Variants in ZC3H14 observed in about 807,000 individuals in gnomAD.
ZC3H14 encodes the protein zinc finger CCCH-type containing 14, also known as zinc finger CCCH domain-containing protein 14.
A neutral mutation model predicts 92.4 loss-of-function variants in ZC3H14; 31 were observed. The observed-to-expected ratio is 0.34, with a 90% confidence interval of 0.25 to 0.45. The LOEUF is 0.45. Ranked by LOEUF, ZC3H14 falls within the 20% of genes least tolerant of loss-of-function variation. The pLI, the probability that ZC3H14 is intolerant of heterozygous loss-of-function variation, is 1.00. For synonymous variants in ZC3H14, 321 were observed against 300.9 expected, an observed-to-expected ratio of 1.07 and a Z score of -0.69; for missense variants, 781 against 897.3, an observed-to-expected ratio of 0.87 and a Z score of 1.66.
chr14:88,616,976 T>C lies in ZC3H14; in HGVS notation c.*5225T>C, dbSNP rs1257938449. 4 of 1,132,416 alleles carry C rather than the reference T, an allele frequency of 3.5e-6. No homozygotes were observed. In the African/African-American group the frequency reaches 6.2e-5, roughly 18 times the overall value. The allele number at this position is 1,132,416 out of a possible 1,614,324, so 70.1% of individuals were successfully genotyped here. ...TGGCAATTAATCTCTAAGTACCCTA[T>C]CATGTTACTTAAAATACAGGAAGTA... On this transcript the variant is annotated 3_prime_UTR_variant, in exon 17 of 17. Transcript: ENST00000251038.
In ZC3H14 at chr14:88,602,870, A is replaced by T. The variant is rs1242694294; in HGVS notation, c.1557A>T (p.Ile519=). Reference sequence around the variant, plus strand: ...ATAAACCTGCAAGTCCCAAGTTTATAGTGACGCTGGATGGTGTCCCCAGCC... The same window carrying T: ...ATAAACCTGCAAGTCCCAAGTTTATTGTGACGCTGGATGGTGTCCCCAGCC... ...QPDKPASPKF[I]VTLDGVPSPP... Residue 519 remains isoleucine, a synonymous_variant, in exon 12 of 17, where the codon ATA becomes ATT. Transcript: ENST00000251038. 6.2e-7 allele frequency: 1 copy of T among 1,614,184 alleles called. No individual in the cohort carries two copies. Among genetic ancestry groups the T allele is most frequent in the Admixed American group, 1.7e-5 (1 of 60,028 alleles).
chr14:88,602,677 C>G, intron 11 of ZC3H14, 151 bp from the exon 12 acceptor site: 1 of 759,086 alleles, frequency 1.3e-6, no homozygotes, highest in South Asian at 1.7e-5. Flanking sequence ...GAGAACCCAC[C>G]AGTGCTGCAC....
At chr14:88,571,730 G>A (rs1432158649) in intron 4 of ZC3H14, among the ~76,000 whole-genome samples, 1 of 152,226 alleles carries the variant, frequency 6.6e-6, no homozygotes, top group African/African-American at 2.4e-5. Flanking sequence ...GGGAGGCCAA[G>A]GTGGGCGGAT....
At position 88,563,152 on chromosome 14, in the gene ZC3H14, A is replaced by G; in HGVS notation, c.19A>G (p.Ile7Val). MEIGTE[I>V]SRKIRSAIKG... ...CAGAGCCATGGAGATCGGCACCGAGATCAGCCGCAAGATCCGGGTGAGGCC... is the reference window on the plus strand; with the variant it reads ...CAGAGCCATGGAGATCGGCACCGAGGTCAGCCGCAAGATCCGGGTGAGGCC... Residue 7 changes from isoleucine to valine, a missense_variant, in exon 1 of 17, where the codon ATC (isoleucine) becomes GTC (valine). This residue lies in a region of ZC3H14 where 106 missense variants were observed against 154.2 expected (regional missense o/e 0.69). Coordinates refer to ENST00000251038, the MANE Select transcript of ZC3H14 (RefSeq NM_024824.5). The G allele has an allele frequency of 6.2e-7, 1 of 1,602,864 alleles. No individual in the cohort carries two copies.
chr14:88,587,390 T>C (rs1444490643), intron 9 of ZC3H14, among the ~76,000 whole-genome samples: 2 of 152,088 alleles, frequency 1.3e-5, no homozygotes, highest in African/African-American at 4.8e-5. Flanking sequence ...GGTCTCAAAC[T>C]CCTGAGCTCA....
chr14:88,574,018 A>C (rs1425397504), intron 6 of ZC3H14, among the ~76,000 whole-genome samples: 1 of 152,062 alleles, frequency 6.6e-6, no homozygotes, highest in African/African-American at 2.4e-5. Flanking sequence ...ACATCTGTAT[A>C]CCTTTTTGGG....
chr14:88,605,712 T>G (rs2085291088), intron 12 of ZC3H14, among the ~76,000 whole-genome samples: 1 of 152,214 alleles, frequency 6.6e-6, no homozygotes, highest in Non-Finnish European at 1.5e-5. Context: ...TAATTGCTCT[T>G]TGATGCTGCT....
At chr14:88,610,716 T>C in intron 15 of ZC3H14, 118 bp from the exon 16 acceptor site, 1 of 955,806 alleles carries the variant, frequency 1.0e-6, no homozygotes. Flanking sequence ...AGGCAAGAGG[T>C]CATGCCACTT....
rs1162169858 is a variant in ZC3H14, at chr14:88,563,048, T to C, written c.-86T>C. ...GGCGGAACGGAGGAGGAGGCGGTGGTGTCCCGGCTGCGGGGTAGGAGTCCG... is the reference window on the plus strand; with the variant it reads ...GGCGGAACGGAGGAGGAGGCGGTGGCGTCCCGGCTGCGGGGTAGGAGTCCG... On this transcript the variant is annotated 5_prime_UTR_variant, in exon 1 of 17. Coordinates refer to ENST00000251038, the MANE Select transcript of ZC3H14 (RefSeq NM_024824.5). 1.7e-5 allele frequency: 26 copies of C among 1,519,610 alleles called. No individual in the cohort carries two copies. Among genetic ancestry groups the C allele is most frequent in the Middle Eastern group, 4.4e-4 (2 of 4,544 alleles). The allele number at this position is 1,519,610 out of a possible 1,614,324, so 94.1% of individuals were successfully genotyped here.
Position 88,618,344 on chromosome 14 carries a change from A to G in ZC3H14, c.*6593A>G, listed in dbSNP as rs755921077. ...AGCCACTAGAGACCTTTTTCATCAG[A>G]TTAAAATGGGACAAGAATTCCATTA... On this transcript the variant is annotated 3_prime_UTR_variant, in exon 17 of 17. Coordinates refer to ENST00000251038, the MANE Select transcript of ZC3H14 (RefSeq NM_024824.5). The G allele has an allele frequency of 6.2e-7, 1 of 1,610,180 alleles. No homozygotes were observed. Among genetic ancestry groups the G allele is most frequent in the Admixed American group, 1.7e-5 (1 of 60,000 alleles).
intron 9 of ZC3H14, among the ~76,000 whole-genome samples, chr14:88,582,654 C>A (rs1595618011): frequency 6.6e-6 from 1 of 152,100 alleles, no homozygotes; most frequent in Admixed American, 6.5e-5. Flanking sequence ...TTTTGCCTTA[C>A]AAAAATTCAT....
chr14:88,567,653 T>G (rs1486894737), intron 2 of ZC3H14, among the ~76,000 whole-genome samples: 2 of 152,170 alleles, frequency 1.3e-5, no homozygotes, highest in Non-Finnish European at 2.9e-5. Flanking sequence ...GAAATGAGTG[T>G]TATTTTGAAA....
chr14:88,593,502 T>A (rs2083411895), intron 9 of ZC3H14, among the ~76,000 whole-genome samples: 1 of 152,204 alleles, frequency 6.6e-6, no homozygotes, highest in Non-Finnish European at 1.5e-5. Flanking sequence ...TAATGAAGAC[T>A]GTGTGGTACT....
chr14:88,567,404 C>A (rs553026860), intron 2 of ZC3H14, among the ~76,000 whole-genome samples: 2 of 149,918 alleles, frequency 1.3e-5, no homozygotes, highest in Admixed American at 1.3e-4. Flanking sequence ...CATGAGCCAC[C>A]GCGCCTGGCC....
At position 88,617,168 on chromosome 14, in the gene ZC3H14, C is replaced by T. The variant is rs758399611; in HGVS notation, c.*5417C>T. The T allele has an allele frequency of 3.2e-5, 6 of 189,826 alleles. No individual in the cohort carries two copies. Among genetic ancestry groups the T allele is most frequent in the South Asian group, 1.2e-4 (1 of 8,234 alleles). 11.8% of individuals were successfully genotyped at this position (189,826 alleles called of 1,614,324 possible). A position where few individuals can be genotyped will look rare whatever the true frequency, so the allele number is the denominator to read the frequency against. On this transcript the variant is annotated 3_prime_UTR_variant, in exon 17 of 17. Coordinates refer to ENST00000251038, the MANE Select transcript of ZC3H14 (RefSeq NM_024824.5). The stretch of plus-strand genomic sequence containing the variant: ...ATTTTTTCTTTTTTTTTTTTTGAGA[C>T]GGAGTTTTCGCTCTTGTTACCCAGG...
chr14:88,564,778 T>C (rs1039030283), intron 2 of ZC3H14, among the ~76,000 whole-genome samples: 2 of 152,242 alleles, frequency 1.3e-5, no homozygotes, highest in Non-Finnish European at 2.9e-5. Flanking sequence ...AAATATTTTT[T>C]ATCTTCTTAG....
intron 9 of ZC3H14, among the ~76,000 whole-genome samples, chr14:88,582,628 G>T (rs2082030569): frequency 6.6e-6 from 1 of 152,140 alleles, no homozygotes; most frequent in African/African-American, 2.4e-5. Flanking sequence ...TGACTTGGAT[G>T]GTAGTCAGAA....
chr14:88,600,865 C>G (rs1595040514), intron 10 of ZC3H14, among the ~76,000 whole-genome samples: 1 of 152,292 alleles, frequency 6.6e-6, no homozygotes, highest in East Asian at 1.9e-4. Flanking sequence ...CCACACACAC[C>G]CTTCCAGCCA....
Position 88,600,193 on chromosome 14 carries a change from C to CT in ZC3H14, c.1355-1728dup, listed in dbSNP as rs200922890. 5.7e-3 allele frequency among the ~76,000 whole-genome samples: 873 copies of CT among 152,332 alleles called. 8 individuals are homozygous for CT. The highest frequency in any genetic ancestry group is 0.02 in the African/African-American group (834 of 41,578). The stretch of plus-strand genomic sequence containing the variant: ...CCAGCTTTCTCTTCCGCCTGTCTCC[C>CT]TTTACCATCTGTACTGCCCTTGCTG... On this transcript the variant is annotated intron_variant, in intron 10 of 16. Transcript: ENST00000251038.
Sources: allele counts gnomAD v4.1 joint callset (sites outside exome capture counted in the v4.1 genomes callset), GRCh38; gene constraint gnomAD v4.1.1; regional missense constraint gnomAD v4.1.1; transcripts MANE v1.5; gene names NCBI Gene and HGNC (gene_info 2026-07-23, HGNC 2026-07-21).